Variants in COQ6 observed in about 807,000 individuals in gnomAD.
COQ6 encodes the protein ubiquinone biosynthesis monooxygenase COQ6, mitochondrial.
Under a neutral mutation model 55.5 loss-of-function variants are expected in COQ6, and 45 were observed. The observed-to-expected ratio is 0.81, with a 90% confidence interval of 0.64 to 1.04. The LOEUF (loss-of-function observed/expected upper bound fraction) is 1.04, where lower values mean the gene tolerates loss of function less well. COQ6 is among the 50% of genes least tolerant of loss of function. The pLI, the probability that COQ6 is intolerant of heterozygous loss-of-function variation, is 0.00. For synonymous variants in COQ6, 206 were observed against 230.5 expected (o/e 0.89, Z 0.96); for missense variants, 550 against 601.3 (o/e 0.91, Z 0.89).
At chr14:73,956,444 T>C (rs2140384662) in intron 4 of COQ6, 1 of 162,806 alleles carries the variant, frequency 6.1e-6, no homozygotes, top group South Asian at 1.6e-4. Flanking sequence ...GCCAAACTTT[T>C]CTGAAGAGGC....
At chr14:73,959,891 GA>G in intron 8 of COQ6, 7 of 1,219,934 alleles carry the variant, frequency 5.7e-6, no homozygotes, top group South Asian at 1.8e-5. Context: ...TTTGAGTCAG[GA>G]AAAAGGAGTA....
Position 73,956,011 on chromosome 14 carries a change from A to G in COQ6, c.481+83A>G, listed in dbSNP as rs573725606. Reference sequence around the variant, plus strand: ...TGGAAGAAAGGATCTCTTTTACAATATTCAGTGTCCACCATAAAGAAATCC... The same window carrying G: ...TGGAAGAAAGGATCTCTTTTACAATGTTCAGTGTCCACCATAAAGAAATCC... On this transcript the variant is annotated intron_variant, in intron 4 of 11. Coordinates refer to ENST00000334571, the MANE Select transcript of COQ6 (RefSeq NM_182476.3). 5 of 1,584,234 alleles carry G rather than the reference A, an allele frequency of 3.2e-6. No homozygotes were observed. The East Asian group carries it at 6.7e-5, about 21-fold the overall frequency.
At chr14:73,953,949 T>G in intron 2 of COQ6, 1 of 322,086 alleles carries the variant, frequency 3.1e-6, no homozygotes, top group Non-Finnish European at 6.0e-6. Flanking sequence ...ACACGTGAAA[T>G]TCCCTTGGGG....
At chr14:73,953,641 A>G in intron 2 of COQ6, 72 bp downstream of exon 2, 2 of 1,584,074 alleles carry the variant, frequency 1.3e-6, no homozygotes, top group Non-Finnish European at 1.7e-6. Flanking sequence ...CCCATGGGGC[A>G]GAGTCATCAG....
chr14:73,950,546 CGATGAGA>C, intron 1 of COQ6, 51 bp downstream of exon 1: 1 of 1,555,262 alleles, frequency 6.4e-7, no homozygotes, highest in Non-Finnish European at 8.7e-7. Context: ...CGCGGAGGCA[CGATGAGA>C]GCCGTGAGAG....
intron 2 of COQ6, among the ~76,000 whole-genome samples, chr14:73,954,208 G>A (rs2056312089): frequency 6.6e-6 from 1 of 152,190 alleles, no homozygotes; most frequent in East Asian, 1.9e-4. Context: ...CAAGGACTTT[G>A]TCCATTGGTT....
chr14:73,961,945 A>C lies in COQ6; in HGVS notation c.1377+42A>C, dbSNP rs766549530. 18 of 1,609,986 alleles carry C rather than the reference A, an allele frequency of 1.1e-5. No individual in the cohort carries two copies. The Admixed American group carries it at 2.8e-4, about 25-fold the overall frequency. On this transcript the variant is annotated intron_variant, in intron 11 of 11. Transcript: ENST00000334571. ...AGGAATGACTTTGCAAACAGCTCTTAATTTCTTTTGCTTTTTTTTGAAACA... is the reference window on the plus strand; with the variant it reads ...AGGAATGACTTTGCAAACAGCTCTTCATTTCTTTTGCTTTTTTTTGAAACA...
chr14:73,961,672 T>C (rs2056741306), intron 10 of COQ6, 65 bp from the exon 11 acceptor site: 3 of 1,609,922 alleles, frequency 1.9e-6, no homozygotes, highest in African/African-American at 2.7e-5. Context: ...TATATCTGGC[T>C]TGCTAGGAGA....
Position 73,955,529 on chromosome 14 carries a change from A to G in COQ6, c.357+20A>G, listed in dbSNP as rs1313824632. The G allele has an allele frequency of 1.9e-6, 3 of 1,611,372 alleles. No individual in the cohort carries two copies. The highest frequency in any genetic ancestry group is 1.7e-5 in the Admixed American group (1 of 60,004). On this transcript the variant is annotated intron_variant, in intron 3 of 11. Transcript: ENST00000334571. ...ATGCAGGTGCCCCTTTATCTTTTCA[A>G]TTTTGTCAAGATGTCTTGGTCTGTC...
Position 73,963,140 on chromosome 14 carries a change from C to G in COQ6, c.*141C>G. On this transcript the variant is annotated 3_prime_UTR_variant, in exon 12 of 12. Transcript: ENST00000334571. ...CTCTTTTTCTTCTTTGCTTAATGGG[C>G]CTGTGGCACCCAAATAATGAATGAT... 1.3e-6 allele frequency: 1 copy of G among 760,390 alleles called. No individual in the cohort carries two copies. Among genetic ancestry groups the G allele is most frequent in the Non-Finnish European group, 2.3e-6 (1 of 432,162 alleles). 47.1% of individuals were successfully genotyped at this position (760,390 alleles called of 1,614,324 possible).
intron 8 of COQ6, 59 bp downstream of exon 8, chr14:73,959,581 G>GTTTT: frequency 7.1e-7 from 1 of 1,404,940 alleles, no homozygotes; most frequent in Non-Finnish European, 9.8e-7. Context: ...GAAAGGTGTT[G>GTTTT]TTTTTTTTTT....
At chr14:73,952,985 C>CT (rs1156973688) in intron 1 of COQ6, among the ~76,000 whole-genome samples, 11 of 152,158 alleles carry the variant, frequency 7.2e-5, no homozygotes, top group Non-Finnish European at 1.6e-4. Context: ...TTTATAAACT[C>CT]TAATTCTTTA....
At chr14:73,955,342 T>C in intron 2 of COQ6, 109 bp from the exon 3 acceptor site, 1 of 809,578 alleles carries the variant, frequency 1.2e-6, no homozygotes, top group Middle Eastern at 2.6e-4. Flanking sequence ...AAGTGGAGAG[T>C]ATTATTGAAG....
At position 73,955,842 on chromosome 14, in the gene COQ6, A is replaced by G. The variant is rs45496292; in HGVS notation, c.395A>G (p.Asp132Gly). The G allele has an allele frequency of 2.1e-3, 3,367 of 1,614,088 alleles. 4 individuals carry two copies. The highest frequency in any genetic ancestry group is 2.4e-3 in the Non-Finnish European group (2,888 of 1,180,018). The change falls in exon 4 of 12, where the codon GAT becomes GGT. Residue 132 changes from aspartate (D) to glycine (G), a missense_variant. Coordinates refer to ENST00000334571, the MANE Select transcript of COQ6 (RefSeq NM_182476.3). The part of the protein sequence containing the change: ...DACSEALIMF[D>G]KDNLDDMGYI... ...TGCTCAGAGGCCCTGATAATGTTTG[A>G]TAAGGATAATTTAGATGACATGGGC...
chr14:73,958,674 G>T, intron 5 of COQ6: 1 of 1,327,470 alleles, frequency 7.5e-7, no homozygotes, highest in East Asian at 3.5e-5. Context: ...CAGCTCCAGT[G>T]TGTGCCCCAT....
chr14:73,950,644 C>T (rs1444630523), intron 1 of COQ6, 149 bp downstream of exon 1: 2 of 1,205,774 alleles, frequency 1.7e-6, no homozygotes, highest in East Asian at 2.6e-5. Flanking sequence ...CCCCAGGGCA[C>T]GCCGGAATGC....
rs1566682789 is a variant in COQ6 at position 73,953,575 on chromosome 14, TAGA to T, written c.298+10_298+12del. On this transcript the variant is annotated splice_region_variant and intron_variant, in intron 2 of 11. Coordinates refer to ENST00000334571, the MANE Select transcript of COQ6 (RefSeq NM_182476.3). ...CTCTGCAACGCTTCTCAGTAGTGAG[TAGA>T]AGATCCTCCTTCAAAGATCCAATCT... 6.2e-7 allele frequency: 1 copy of T among 1,614,114 alleles called. No individual in the cohort carries two copies. The highest frequency in any genetic ancestry group is 8.5e-7 in the Non-Finnish European group (1 of 1,180,014).
chr14:73,957,963 TGAG>T, intron 4 of COQ6, 181 bp from the exon 5 acceptor site: 2 of 605,362 alleles, frequency 3.3e-6, no homozygotes, highest in Admixed American at 5.3e-5. Flanking sequence ...TTTTTGACAT[TGAG>T]TTATCTCTGT....
At position 73,963,217 on chromosome 14, in the gene COQ6, G is replaced by A; in HGVS notation, c.*218G>A. 2 of 585,210 alleles carry A rather than the reference G, an allele frequency of 3.4e-6. No homozygotes were observed. Among genetic ancestry groups the A allele is most frequent in the Non-Finnish European group, 3.0e-6 (1 of 328,938 alleles). The allele number at this position is 585,210 out of a possible 1,614,324, so 36.3% of individuals were successfully genotyped here. On this transcript the variant is annotated 3_prime_UTR_variant, in exon 12 of 12. Coordinates refer to ENST00000334571, the MANE Select transcript of COQ6 (RefSeq NM_182476.3). ...CCAGACCAAAGGAAAAAACTTCGAA[G>A]GAAGACTTACAATTTGGTTGAAAAG...
Sources: allele counts gnomAD v4.1 joint callset (sites outside exome capture counted in the v4.1 genomes callset), GRCh38; gene constraint gnomAD v4.1.1; transcripts MANE v1.5; gene names NCBI Gene and HGNC (gene_info 2026-07-23, HGNC 2026-07-21).